Variants in BECN1 observed in about 807,000 individuals in gnomAD.
BECN1 encodes the protein beclin 1.
Under a neutral mutation model 60.1 loss-of-function variants are expected in BECN1, and 15 were observed. That is an observed-to-expected ratio of 0.25 (90% confidence interval 0.17 to 0.38). The LOEUF is 0.38. BECN1 is among the 10% of genes least tolerant of loss of function. The pLI, the probability that BECN1 is intolerant of heterozygous loss-of-function variation, is 1.00. For missense variants in BECN1, 424 were observed against 548.2 expected (o/e 0.77, Z 2.26); for synonymous variants, 179 against 201.8 (o/e 0.89, Z 0.96).
chr17:42,817,679 G>A (rs937710339), intron 7 of BECN1, among the ~76,000 whole-genome samples: 1 of 152,156 alleles, frequency 6.6e-6, no homozygotes, highest in African/African-American at 2.4e-5. Flanking sequence ...GTAGTTGCTA[G>A]GACTACAGGT....
intron 10 of BECN1, chr17:42,812,415 A>C (rs2055037139): frequency 6.7e-6 from 1 of 148,706 alleles, no homozygotes; most frequent in Admixed American, 6.8e-5. Flanking sequence ...AAAAGAAAAG[A>C]AAAAAAAATA....
chr17:42,816,899 G>C (rs967797022), intron 7 of BECN1, among the ~76,000 whole-genome samples: 1 of 151,754 alleles, frequency 6.6e-6, no homozygotes, highest in African/African-American at 2.4e-5. Flanking sequence ...GAACCTGGGA[G>C]GTGGAGGTTG....
At chr17:42,814,399 C>T (rs560693350) in intron 9 of BECN1, 125 bp downstream of exon 9, 4 of 1,324,096 alleles carry the variant, frequency 3.0e-6, no homozygotes, top group Admixed American at 2.0e-5. Context: ...GACAGCTCTT[C>T]AGCCACAGAA....
Position 42,823,848 on chromosome 17 carries a change from G to A in BECN1, c.30C>T (p.Ser10=), listed in dbSNP as rs1393773197. 6.2e-7 allele frequency: 1 copy of A among 1,614,140 alleles called. No individual in the cohort carries two copies. The highest frequency in any genetic ancestry group is 1.7e-5 in the Admixed American group (1 of 60,010). MEGSKTSNN[S]TMQVSFVCQR... is the part of the protein sequence containing the mutation. ...GGCACACGAAGCTCACCTGCATGGT[G>A]CTGTTGTTGGACGTCTTAGACCCTT... The change falls in exon 2 of 12, where the codon AGC becomes AGT. Residue 10 remains serine, a synonymous_variant. Coordinates refer to ENST00000590099, the MANE Select transcript of BECN1 (RefSeq NM_001313998.2).
chr17:42,816,171 T>C, intron 7 of BECN1, 117 bp from the exon 8 acceptor site: 1 of 1,128,478 alleles, frequency 8.9e-7, no homozygotes, highest in South Asian at 1.6e-5. Context: ...TCGCATCTTT[T>C]ATATTTGGCA....
chr17:42,818,318 G>C lies in BECN1; in HGVS notation c.586C>G (p.Gln196Glu). The change falls in exon 7 of 12, where the codon CAG becomes GAG. Residue 196 changes from glutamine to glutamate, a missense_variant. Transcript: ENST00000590099. ...TTCTTTTCCACGTCTTCCAGCTCCTGGATCAGCCTCTCCTCCTCTAGTGCC... is the reference window on the plus strand; with the variant it reads ...TTCTTTTCCACGTCTTCCAGCTCCTCGATCAGCCTCTCCTCCTCTAGTGCC... ...ELALEEERLI[Q>E]ELEDVEKNRK... 6.2e-7 allele frequency: 1 copy of C among 1,614,174 alleles called. No homozygotes were observed. The highest frequency in any genetic ancestry group is 8.5e-7 in the Non-Finnish European group (1 of 1,180,010).
Position 42,819,587 on chromosome 17 carries a change from C to A in BECN1, c.221G>T (p.Arg74Leu). ...GAATCTGCGAGAGACACCATCCTGG[C>A]GAGGAGTTTCAATAAATGGCTCCTG... ...SGEEPFIETP[R>L]QDGVSRRFIP... The change falls in exon 4 of 12, where the codon CGC (arginine) becomes CTC (leucine). Residue 74 changes from arginine to leucine, a missense_variant. This residue lies in a region of BECN1 where 96 missense variants were observed against 125.6 expected (regional missense o/e 0.76). Coordinates refer to ENST00000590099, the MANE Select transcript of BECN1 (RefSeq NM_001313998.2). 1 of 1,613,462 alleles carries A rather than the reference C, an allele frequency of 6.2e-7. No individual in the cohort carries two copies. Among genetic ancestry groups the A allele is most frequent in the Non-Finnish European group, 8.5e-7 (1 of 1,179,870 alleles).
At chr17:42,812,065 C>A in intron 10 of BECN1, 1 of 408,060 alleles carries the variant, frequency 2.5e-6, no homozygotes, top group Non-Finnish European at 4.3e-6. Context: ...CAAAACCTTT[C>A]CAGGAAGAGT....
intron 7 of BECN1, among the ~76,000 whole-genome samples, chr17:42,816,664 A>T (rs1268318197): frequency 6.7e-6 from 1 of 148,438 alleles, no homozygotes; most frequent in Non-Finnish European, 1.5e-5. Context: ...AAAAAAAAAA[A>T]AAAGAGTGGC....
chr17:42,820,085 TTGC>T (rs2055230447), intron 3 of BECN1, among the ~76,000 whole-genome samples: 1 of 152,204 alleles, frequency 6.6e-6, no homozygotes, highest in Non-Finnish European at 1.5e-5. Flanking sequence ...CTTTGCCTCC[TTGC>T]TTAAAGGCTT....
At position 42,818,200 on chromosome 17, in the gene BECN1, T is replaced by C. The variant is rs373191069; in HGVS notation, c.683+21A>G. 7.0e-5 allele frequency: 112 copies of C among 1,611,244 alleles called. No homozygotes were observed. The African/African-American group carries it at 1.1e-3, about 15-fold the overall frequency. On this transcript the variant is annotated intron_variant, in intron 7 of 11. Coordinates refer to ENST00000590099, the MANE Select transcript of BECN1 (RefSeq NM_001313998.2). ...TCCTGGAGCCTCGAGTGTGAGAAGATAGAACAGGGTGAGCACTCACTGAGC... is the reference window on the plus strand; with the variant it reads ...TCCTGGAGCCTCGAGTGTGAGAAGACAGAACAGGGTGAGCACTCACTGAGC...
intron 8 of BECN1, chr17:42,814,958 TC>T: frequency 9.5e-6 from 4 of 420,974 alleles, no homozygotes; most frequent in Non-Finnish European, 1.3e-5. Flanking sequence ...CTTGGATCTT[TC>T]CACTTTTCTC....
chr17:42,819,481 A>C, intron 4 of BECN1, 67 bp downstream of exon 4: 10 of 1,556,814 alleles, frequency 6.4e-6, no homozygotes, highest in Non-Finnish European at 8.8e-6. Flanking sequence ...CCAGGTCTCG[A>C]TTCCTGGATT....
chr17:42,811,379 GA>G, intron 11 of BECN1: 1 of 355,390 alleles, frequency 2.8e-6, no homozygotes, highest in Non-Finnish European at 5.0e-6. Context: ...GGGCTTCAGG[GA>G]AAAACCTTCT....
rs561823964 is a variant in BECN1, at chr17:42,810,361, T to C, written c.*399A>G. 1 of 154,844 alleles carries C rather than the reference T, an allele frequency of 6.5e-6. No homozygotes were observed. The highest frequency in any genetic ancestry group is 1.4e-5 in the Non-Finnish European group (1 of 69,542). 9.6% of individuals were successfully genotyped at this position (154,844 alleles called of 1,614,324 possible). On this transcript the variant is annotated 3_prime_UTR_variant, in exon 12 of 12. Transcript: ENST00000590099. ...ATTATCCAACTGTGCATCTCAAACA[T>C]ATCCTCATCTCAGTAAAGACAAAAG... is the stretch of plus-strand genomic sequence containing the variant.
In BECN1 at chr17:42,823,750, G is replaced by A; in HGVS notation, c.128C>T (p.Thr43Ile). The A allele has an allele frequency of 6.2e-7, 1 of 1,613,732 alleles. No homozygotes were observed. The highest frequency in any genetic ancestry group is 8.5e-7 in the Non-Finnish European group (1 of 1,179,752). The part of the protein sequence containing the change: ...ILDRVTIQEL[T>I]APLLTTAQAK... ...CTCTTTCCAAGGGTCTCGCTGACCT[G>A]TGAGTTCCTGGATGGTGACACGGTC... The change falls in exon 2 of 12, where the codon ACA (threonine) becomes ATA (isoleucine). Residue 43 changes from threonine (T) to isoleucine (I), a missense_variant and splice_region_variant. By Grantham distance (89) the Thr-to-Ile change is moderately conservative. This residue lies in a region of BECN1 where 96 missense variants were observed against 125.6 expected (regional missense o/e 0.76). Transcript: ENST00000590099.
Position 42,811,728 on chromosome 17 carries a change from C to G in BECN1, c.1111G>C (p.Ala371Pro). 1 of 1,614,188 alleles carries G rather than the reference C, an allele frequency of 6.2e-7. No homozygotes were observed. The highest frequency in any genetic ancestry group is 8.5e-7 in the Non-Finnish European group (1 of 1,180,038). The change falls in exon 11 of 12, where the codon GCT becomes CCT. Residue 371 changes from alanine to proline, a missense_variant. Around this residue, in one of 3 missense-constraint regions of BECN1, gnomAD observed 326 missense variants for 406.2 expected, o/e 0.80. Transcript: ENST00000590099. ...WDNKFDHAMVAFLDCVQQFKE... is the reference protein window; with the variant it reads ...WDNKFDHAMVPFLDCVQQFKE... ...AACTGCTGCACACAGTCCAGGAAAG[C>G]CACCATTGCATGGTCAAACTTGTTG... is the stretch of plus-strand genomic sequence containing the variant.
At chr17:42,818,147 G>T in intron 7 of BECN1, 74 bp downstream of exon 7, 1 of 1,501,188 alleles carries the variant, frequency 6.7e-7, no homozygotes. Context: ...AAACTATTCA[G>T]ACACATTCAG....
Position 42,818,279 on chromosome 17 carries a change from C to A in BECN1, c.625G>T (p.Ala209Ser). The A allele has an allele frequency of 1.2e-6, 2 of 1,614,206 alleles. No individual in the cohort carries two copies. Among genetic ancestry groups the A allele is most frequent in the Non-Finnish European group, 1.7e-6 (2 of 1,180,024 alleles). ...GCCTGGACCTTCTCGAGATTTTCTG[C>A]CACTATCTTGCGGTTCTTTTCCACG... The part of the protein sequence containing the change: ...EDVEKNRKIV[A>S]ENLEKVQAEA... Residue 209 changes from alanine (A) to serine (S), a missense_variant, in exon 7 of 12, where the codon GCA becomes TCA. Ala to Ser is a moderately conservative substitution (Grantham distance 99, BLOSUM62 1). Around this residue, in one of 3 missense-constraint regions of BECN1, gnomAD observed 326 missense variants for 406.2 expected, o/e 0.80. Coordinates refer to ENST00000590099, the MANE Select transcript of BECN1 (RefSeq NM_001313998.2).
Sources: allele counts gnomAD v4.1 joint callset (sites outside exome capture counted in the v4.1 genomes callset), GRCh38; gene constraint gnomAD v4.1.1; regional missense constraint gnomAD v4.1.1; transcripts MANE v1.5; gene names NCBI Gene and HGNC (gene_info 2026-07-23, HGNC 2026-07-21).